Variants in STK32C observed in about 807,000 individuals in gnomAD.
STK32C encodes serine/threonine kinase 32C, also known as serine/threonine-protein kinase 32C.
A neutral mutation model predicts 56.5 loss-of-function variants in STK32C; 31 were observed. The observed-to-expected ratio is 0.55, with a 90% confidence interval of 0.41 to 0.74. The LOEUF is 0.74. Among genes scored for constraint, STK32C ranks in the 30% least tolerant of loss-of-function variants. The pLI, the probability that STK32C is intolerant of heterozygous loss-of-function variation, is 0.00. For missense variants in STK32C, 544 were observed against 676.9 expected, an observed-to-expected ratio of 0.80 and a Z score of 2.18; for synonymous variants, 309 against 289.4, an observed-to-expected ratio of 1.07 and a Z score of -0.69.
intron 1 of STK32C, among the ~76,000 whole-genome samples, chr10:132,271,611 C>T (rs903165293): frequency 6.6e-6 from 1 of 152,216 alleles, no homozygotes; most frequent in African/African-American, 2.4e-5. Context: ...CGGTCATGTC[C>T]GGCTGGGAGA....
chr10:132,308,505 T>C (rs2066153986), upstream of STK32C, among the ~76,000 whole-genome samples: 1 of 150,744 alleles, frequency 6.6e-6, no homozygotes, highest in South Asian at 2.1e-4. Flanking sequence ...GCGGCGGGAA[T>C]CTGCCGGGCA....
chr10:132,321,245 T>C (rs2066401958), downstream of STK32C, among the ~76,000 whole-genome samples: 1 of 152,184 alleles, frequency 6.6e-6, no homozygotes, highest in African/African-American at 2.4e-5. Flanking sequence ...ACCCATAGAA[T>C]AGATGCAAGC....
upstream of STK32C, among the ~76,000 whole-genome samples, chr10:132,308,244 G>A (rs1286581917): frequency 2.0e-5 from 3 of 152,154 alleles, no homozygotes; most frequent in Non-Finnish European, 4.4e-5. Context: ...TAGACGGCGG[G>A]TACGAGAGCG....
At chr10:132,237,409 C>T (rs532534208) in intron 2 of STK32C, among the ~76,000 whole-genome samples, 1 of 152,392 alleles carries the variant, frequency 6.6e-6, no homozygotes, top group South Asian at 2.1e-4. Flanking sequence ...TCCTCCTCCT[C>T]CTGAATCAGT....
At chr10:132,293,240 G>A (rs896258182) in intron 1 of STK32C, among the ~76,000 whole-genome samples, 23 of 152,186 alleles carry the variant, frequency 1.5e-4, no homozygotes, top group Non-Finnish European at 3.1e-4. Flanking sequence ...CTACTCTCAC[G>A]GTCCCTCCAC....
chr10:132,260,577 G>A (rs951911325), intron 1 of STK32C, among the ~76,000 whole-genome samples: 11 of 152,164 alleles, frequency 7.2e-5, no homozygotes, highest in African/African-American at 2.2e-4. Context: ...CCTCACCTTC[G>A]GACTGTGTCA....
At chr10:132,237,483 C>T (rs554713431) in intron 2 of STK32C, among the ~76,000 whole-genome samples, 7 of 152,394 alleles carry the variant, frequency 4.6e-5, no homozygotes, top group African/African-American at 9.6e-5. Context: ...GAGACGGGCC[C>T]GGCAAATTCC....
At position 132,307,303 on chromosome 10, in the gene STK32C, G is replaced by A. The variant is rs1015508074; in HGVS notation, c.262+269C>T. The A allele has an allele frequency of 1.3e-5, 4 of 304,436 alleles. No homozygotes were observed. Among genetic ancestry groups the A allele is most frequent in the African/African-American group, 6.6e-5 (3 of 45,182 alleles). 18.9% of individuals were successfully genotyped at this position (304,436 alleles called of 1,614,324 possible). On this transcript the variant is annotated intron_variant, in intron 1 of 11. Transcript: ENST00000298630. This position sits in a 1 kb window ranked among gnomAD's most constrained non-coding sequence, Gnocchi z 4.4. The stretch of plus-strand genomic sequence containing the variant: ...GTGGGCGGAGGCGCGCGCAAGCCCG[G>A]AGACGCCACAGCCGCGGGGGACCCT...
chr10:132,210,287 C>T (rs937714194), intron 10 of STK32C, among the ~76,000 whole-genome samples: 2 of 152,212 alleles, frequency 1.3e-5, no homozygotes, highest in Non-Finnish European at 2.9e-5. Flanking sequence ...TTTTTGGTCT[C>T]GCTCTGTCAC....
chr10:132,246,633 G>A (rs2063705194), intron 1 of STK32C, among the ~76,000 whole-genome samples: 1 of 152,236 alleles, frequency 6.6e-6, no homozygotes, highest in Non-Finnish European at 1.5e-5. Context: ...CCCTCCGGGA[G>A]AAGGACGGCT....
chr10:132,224,406 C>T lies in STK32C; in HGVS notation c.993+1G>A, dbSNP rs1264501691. 1 of 1,550,050 alleles carries T rather than the reference C, an allele frequency of 6.5e-7. No homozygotes were observed. Among genetic ancestry groups the T allele is most frequent in the Non-Finnish European group, 8.7e-7 (1 of 1,146,478 alleles). Reference sequence around the variant, plus strand: ...GAGGAGGCTCAGGGATGGGGGCTCACCTTCCGCAGCAAGGCCACCATCTCC... The same window carrying T: ...GAGGAGGCTCAGGGATGGGGGCTCATCTTCCGCAGCAAGGCCACCATCTCC... On this transcript the variant is annotated splice_donor_variant, in intron 8 of 11. Transcript: ENST00000298630. LOFTEE classifies it high-confidence loss of function.
intron 8 of STK32C, among the ~76,000 whole-genome samples, chr10:132,223,339 G>A (rs1274144311): frequency 6.6e-6 from 1 of 152,212 alleles, no homozygotes; most frequent in Non-Finnish European, 1.5e-5. Context: ...TGGCCTCACA[G>A]TAACTATCCC....
chr10:132,221,495 C>G (rs1251791607), intron 10 of STK32C, among the ~76,000 whole-genome samples: 4 of 140,940 alleles, frequency 2.8e-5, no homozygotes, highest in African/African-American at 1.1e-4. Flanking sequence ...GAGGGCTTCA[C>G]GTGGCCATCC....
chr10:132,267,800 T>C (rs1215015905), intron 1 of STK32C, among the ~76,000 whole-genome samples: 2 of 127,650 alleles, frequency 1.6e-5, no homozygotes, highest in East Asian at 2.2e-4. Flanking sequence ...CCTGTGTGCA[T>C]GCATGTCCCA....
upstream of STK32C, among the ~76,000 whole-genome samples, chr10:132,309,262 T>G (rs1280922276): frequency 6.6e-6 from 1 of 152,180 alleles, no homozygotes; most frequent in Non-Finnish European, 1.5e-5. Flanking sequence ...GTGTGGCTTC[T>G]GGGCCAACAG....
intron 1 of STK32C, among the ~76,000 whole-genome samples, chr10:132,298,378 T>C (rs2065817085): frequency 6.6e-6 from 1 of 152,204 alleles, no homozygotes; most frequent in East Asian, 1.9e-4. Context: ...CCTGCCCCAA[T>C]GTGGGGCCCA....
chr10:132,208,288 G>A, intron 11 of STK32C, 137 bp from the exon 12 acceptor site: 1 of 1,078,520 alleles, frequency 9.3e-7, no homozygotes, highest in Non-Finnish European at 1.2e-6. Flanking sequence ...GTGTCTGCTG[G>A]AGAGGCCATG....
At chr10:132,230,256 G>A (rs533292438) in intron 2 of STK32C, among the ~76,000 whole-genome samples, 4 of 152,368 alleles carry the variant, frequency 2.6e-5, no homozygotes, top group African/African-American at 9.6e-5. Context: ...GTGAGCGTAA[G>A]CTGCAGCAGC....
chr10:132,278,244 A>C (rs2065045543), intron 1 of STK32C, among the ~76,000 whole-genome samples: 1 of 152,088 alleles, frequency 6.6e-6, no homozygotes, highest in African/African-American at 2.4e-5. Context: ...CAAACCCAGC[A>C]AAGACCCACA....
Sources: allele counts gnomAD v4.1 joint callset (sites outside exome capture counted in the v4.1 genomes callset), GRCh38; gene constraint gnomAD v4.1.1; non-coding constraint Gnocchi (gnomAD v3.1); transcripts MANE v1.5; gene names NCBI Gene and HGNC (gene_info 2026-07-23, HGNC 2026-07-21).